The following MGAT3 variants were observed in gnomAD, a reference collection of about 807,000 sequenced individuals.
MGAT3 encodes GlcNAc-T III.
In MGAT3, 9 loss-of-function variants were observed where a neutral mutation model predicts 29.8. The ratio of observed to expected loss-of-function variants is 0.30; its 90% CI spans 0.18 to 0.53. The LOEUF (loss-of-function observed/expected upper bound fraction) is 0.53, where lower values mean the gene tolerates loss of function less well. Among genes scored for constraint, MGAT3 ranks in the 20% least tolerant of loss-of-function variants. MGAT3 has a pLI of 0.96. For synonymous variants in MGAT3, 397 were observed against 348.9 expected, an observed-to-expected ratio of 1.14 and a Z score of -1.54; for missense variants, 557 against 769.5, an observed-to-expected ratio of 0.72 and a Z score of 3.27.
rs762202121 is a variant in MGAT3 at position 39,488,403 on chromosome 22, C to T, written c.1056C>T (p.Phe352=). The T allele has an allele frequency of 6.2e-7, 1 of 1,612,906 alleles. No individual in the cohort carries two copies. The highest frequency in any genetic ancestry group is 2.2e-5 in the East Asian group (1 of 44,872). The change falls in exon 2 of 2, where the codon TTC becomes TTT. Residue 352 remains phenylalanine (F), a synonymous_variant. Transcript: ENST00000341184. ...FHMRKSLYGF[F]WKQPGTLEVV... ...TGCGCAAGTCGCTCTACGGCTTCTT[C>T]TGGAAGCAGCCGGGCACCCTGGAGG...
chr22:39,470,146 C>A (rs1804585798), intron 1 of MGAT3, among the ~76,000 whole-genome samples: 1 of 152,170 alleles, frequency 6.6e-6, no homozygotes, highest in Non-Finnish European at 1.5e-5. Context: ...TGTGGCCTCG[C>A]CAGCAGGGTG....
At chr22:39,469,731 C>A (rs997445576) in intron 1 of MGAT3, among the ~76,000 whole-genome samples, 1 of 152,246 alleles carries the variant, frequency 6.6e-6, no homozygotes, top group East Asian at 1.9e-4. Context: ...CCCGTACCCC[C>A]GCTCCGCTCA....
intron 1 of MGAT3, among the ~76,000 whole-genome samples, chr22:39,486,527 G>T (rs1929277478): frequency 6.6e-6 from 1 of 152,006 alleles, no homozygotes; most frequent in Non-Finnish European, 1.5e-5. Context: ...TTGAGATAGG[G>T]TCTCAGTCTG....
At position 39,489,642 on chromosome 22, in the gene MGAT3, G is replaced by C. The variant is rs1929397856; in HGVS notation, c.*693G>C. The C allele has an allele frequency of 6.0e-6, 1 of 167,672 alleles. No homozygotes were observed. Among genetic ancestry groups the C allele is most frequent in the South Asian group, 2.1e-4 (1 of 4,856 alleles). The allele number at this position is 167,672 out of a possible 1,614,324, so 10.4% of individuals were successfully genotyped here. On this transcript the variant is annotated 3_prime_UTR_variant, in exon 2 of 2. Coordinates refer to ENST00000341184, the MANE Select transcript of MGAT3 (RefSeq NM_002409.5). Reference sequence around the variant, plus strand: ...CCTCAGGCTGTCGTGAGCCAACACAGGGGCCTGGAGAACCCTGAGGAGCTT... The same window carrying C: ...CCTCAGGCTGTCGTGAGCCAACACACGGGCCTGGAGAACCCTGAGGAGCTT...
chr22:39,473,127 C>T (rs1046203232), intron 1 of MGAT3, among the ~76,000 whole-genome samples: 3 of 152,138 alleles, frequency 2.0e-5, no homozygotes, highest in Non-Finnish European at 4.4e-5. Context: ...AGCACAGCCC[C>T]GTCAGAGGGC....
intron 1 of MGAT3, among the ~76,000 whole-genome samples, chr22:39,464,088 A>G (rs376849045): frequency 6.7e-6 from 1 of 148,682 alleles, no homozygotes; most frequent in African/African-American, 2.5e-5. Flanking sequence ...CCTGGGCCCC[A>G]CCAGCTCTTC....
At chr22:39,463,658 TC>T (rs1928557314) in intron 1 of MGAT3, among the ~76,000 whole-genome samples, 1 of 152,014 alleles carries the variant, frequency 6.6e-6, no homozygotes, top group African/African-American at 2.4e-5. Context: ...CCCAAAGTAA[TC>T]CTAGTACTTT....
rs1929357420 is a variant in MGAT3, at chr22:39,488,537, A to G, written c.1190A>G (p.Asn397Ser). ...YTMPNFRQYE[N>S]RTGHILVQWS... ...ATGCCCAACTTCAGACAGTATGAGA[A>G]CCGCACCGGCCACATCCTGGTGCAG... Residue 397 changes from asparagine to serine, a missense_variant, in exon 2 of 2, where the codon AAC becomes AGC. Transcript: ENST00000341184. 2 of 1,613,082 alleles carry G rather than the reference A, an allele frequency of 1.2e-6. No individual in the cohort carries two copies. The highest frequency in any genetic ancestry group is 1.7e-6 in the Non-Finnish European group (2 of 1,180,016).
intron 1 of MGAT3, among the ~76,000 whole-genome samples, chr22:39,467,742 G>GTTTCGTTTCGTTTCT (rs562747111): frequency 1.4e-5 from 2 of 140,644 alleles, no homozygotes; most frequent in Non-Finnish European, 3.0e-5. Flanking sequence ...GTTTCGTTTC[G>GTTTCGTTTCGTTTCT]TTTCTTTCAG....
At chr22:39,467,636 T>C (rs1033846162) in intron 1 of MGAT3, among the ~76,000 whole-genome samples, 2 of 151,884 alleles carry the variant, frequency 1.3e-5, no homozygotes, top group Non-Finnish European at 1.5e-5. Flanking sequence ...GCTTGCTTCC[T>C]TCTTTTTTCT....
intron 1 of MGAT3, among the ~76,000 whole-genome samples, chr22:39,459,948 G>A (rs1378075270): frequency 2.0e-5 from 3 of 152,268 alleles, no homozygotes; most frequent in Non-Finnish European, 4.4e-5. Flanking sequence ...TCACGAGAGG[G>A]CTGGGCTGGA....
chr22:39,485,296 G>T (rs1929240097), intron 1 of MGAT3, among the ~76,000 whole-genome samples: 2 of 152,194 alleles, frequency 1.3e-5, no homozygotes, highest in African/African-American at 4.8e-5. Context: ...GAGGTGCTCT[G>T]TGGCTGCACG....
chr22:39,470,818 C>T (rs2145715642), intron 1 of MGAT3, among the ~76,000 whole-genome samples: 1 of 152,164 alleles, frequency 6.6e-6, no homozygotes, highest in East Asian at 1.9e-4. Flanking sequence ...GGCACCGAGG[C>T]CCAGGGTATT....
chr22:39,474,445 G>C (rs1928894026), intron 1 of MGAT3, among the ~76,000 whole-genome samples: 1 of 152,216 alleles, frequency 6.6e-6, no homozygotes, highest in African/African-American at 2.4e-5. Flanking sequence ...CTCTGCTGCT[G>C]TCACTTGCCA....
At chr22:39,468,985 G>A (rs900234788) in intron 1 of MGAT3, among the ~76,000 whole-genome samples, 4 of 152,008 alleles carry the variant, frequency 2.6e-5, no homozygotes, top group African/African-American at 9.7e-5. Flanking sequence ...AGCATCAGAT[G>A]TGGCTTTCGC....
At chr22:39,480,976 C>T (rs2145723372) in intron 1 of MGAT3, among the ~76,000 whole-genome samples, 1 of 152,358 alleles carries the variant, frequency 6.6e-6, no homozygotes, top group East Asian at 1.9e-4. Context: ...CTGCCCTGCC[C>T]TTGAAGTGCC....
intron 1 of MGAT3, among the ~76,000 whole-genome samples, chr22:39,473,195 G>T (rs1416134764): frequency 6.6e-6 from 1 of 152,192 alleles, no homozygotes; most frequent in African/African-American, 2.4e-5. Context: ...AGTCCTGTGT[G>T]TGCTGCTACC....
intron 1 of MGAT3, among the ~76,000 whole-genome samples, chr22:39,468,566 T>C (rs190908217): frequency 1.7e-4 from 26 of 152,344 alleles, no homozygotes; most frequent in African/African-American, 5.8e-4. Flanking sequence ...AGCTGCCTCA[T>C]TGGGGTGTGA....
Position 39,487,756 on chromosome 22 carries a change from C to A in MGAT3, c.409C>A (p.Pro137Thr). 2 of 1,520,442 alleles carry A rather than the reference C, an allele frequency of 1.3e-6. No individual in the cohort carries two copies. The highest frequency in any genetic ancestry group is 8.8e-7 in the Non-Finnish European group (1 of 1,137,192). The allele number at this position is 1,520,442 out of a possible 1,614,324, so 94.2% of individuals were successfully genotyped here. The change falls in exon 2 of 2, where the codon CCT becomes ACT. Residue 137 changes from proline to threonine, a missense_variant. Pro to Thr is a conservative substitution (Grantham distance 38, BLOSUM62 -1). This residue lies in a region of MGAT3 where 212 missense variants were observed against 228.5 expected (regional missense o/e 0.93). Transcript: ENST00000341184. The surrounding 1 kb of genome is among the most constrained non-coding windows in gnomAD (Gnocchi z 5.7). ...RPPPGRPEEKPEGANGSSARR... is the reference protein window; with the variant it reads ...RPPPGRPEEKTEGANGSSARR... ...GCCCCCGGGACGGCCGGAGGAGAAG[C>A]CTGAGGGGGCCAACGGCTCCTCGGC...
Sources: allele counts gnomAD v4.1 joint callset (sites outside exome capture counted in the v4.1 genomes callset), GRCh38; gene constraint gnomAD v4.1.1; regional missense constraint gnomAD v4.1.1; non-coding constraint Gnocchi (gnomAD v3.1); transcripts MANE v1.5; gene names NCBI Gene and HGNC (gene_info 2026-07-23, HGNC 2026-07-21).